MNS1: variants seen among roughly 807,000 people sequenced by gnomAD.
MNS1 encodes the protein meiosis-specific nuclear structural protein 1.
In MNS1, 63 loss-of-function variants were observed where a neutral mutation model predicts 72.0. The ratio of observed to expected loss-of-function variants is 0.87; its 90% confidence interval spans 0.71 to 1.08. The LOEUF (loss-of-function observed/expected upper bound fraction) is 1.08. MNS1 is among the 50% of genes least tolerant of loss of function. MNS1 has a pLI of 0.00. For missense variants in MNS1, 604 were observed against 562.4 expected, an observed-to-expected ratio of 1.07 and a Z score of -0.75; for synonymous variants, 188 against 172.1, an observed-to-expected ratio of 1.09 and a Z score of -0.72.
intron 9 of MNS1, chr15:56,429,706 C>T (rs2050515209): frequency 1.3e-5 from 2 of 152,122 alleles, no homozygotes. Flanking sequence ...TTCTTTTCCC[C>T]TACAGTATAC....
chr15:56,458,193 T>G (rs140670070), intron 2 of MNS1, among the ~76,000 whole-genome samples: 19 of 152,354 alleles, frequency 1.2e-4, no homozygotes, highest in African/African-American at 3.8e-4. Context: ...ATAATTCATA[T>G]AGCATAAAAT....
At chr15:56,440,787 T>C (rs2050803654) in intron 7 of MNS1, among the ~76,000 whole-genome samples, 3 of 152,198 alleles carry the variant, frequency 2.0e-5, no homozygotes, top group Admixed American at 2.0e-4. Flanking sequence ...TAATTAAAGG[T>C]TTATCCATGT....
intron 3 of MNS1, among the ~76,000 whole-genome samples, chr15:56,449,564 A>G (rs1336434868): frequency 6.6e-6 from 1 of 152,206 alleles, no homozygotes; most frequent in Admixed American, 6.5e-5. Flanking sequence ...GGTTTCTCAT[A>G]TCGTATTCAG....
chr15:56,462,056 G>A (rs2051027210), intron 2 of MNS1, among the ~76,000 whole-genome samples: 1 of 144,114 alleles, frequency 6.9e-6, no homozygotes, highest in South Asian at 2.2e-4. Flanking sequence ...TCAGGCTGGA[G>A]TGCGGTGGCA....
chr15:56,432,763 A>G (rs1197337303), intron 8 of MNS1, among the ~76,000 whole-genome samples: 9 of 152,198 alleles, frequency 5.9e-5, no homozygotes, highest in Non-Finnish European at 1.3e-4. Flanking sequence ...CTGAGAACAG[A>G]TGAGCTCCAA....
chr15:56,461,044 A>G (rs1303243034), intron 2 of MNS1, among the ~76,000 whole-genome samples: 1 of 152,174 alleles, frequency 6.6e-6, no homozygotes, highest in Non-Finnish European at 1.5e-5. Context: ...AAAAAAGGAA[A>G]TGTCCCAGCT....
rs545453683 is a variant in MNS1, at chr15:56,439,838, C to T, written c.1011+3592G>A. Among the ~76,000 whole-genome samples, 14 of 149,618 alleles carry T rather than the reference C, an allele frequency of 9.4e-5. 1 individual carries two copies. The highest frequency in any genetic ancestry group is 2.7e-4 in the African/African-American group (11 of 40,908). ...AAGGAGAAATTCTTCAATAACTAGG[C>T]GAAGAGTTTCTAGAGTTGACACAGA... On this transcript the variant is annotated intron_variant, in intron 7 of 9. Coordinates refer to ENST00000260453, the MANE Select transcript of MNS1 (RefSeq NM_018365.4).
intron 7 of MNS1, among the ~76,000 whole-genome samples, chr15:56,438,145 G>C (rs1363051253): frequency 6.6e-6 from 1 of 151,962 alleles, no homozygotes; most frequent in African/African-American, 2.4e-5. Flanking sequence ...CAAAAAAGGG[G>C]CCACATTGCC....
At chr15:56,456,816 ACT>A (rs1445867946) in intron 2 of MNS1, among the ~76,000 whole-genome samples, 1 of 151,388 alleles carries the variant, frequency 6.6e-6, no homozygotes, top group Non-Finnish European at 1.5e-5. Flanking sequence ...CTTCCATTTC[ACT>A]CTTTTTTCCC....
chr15:56,431,376 A>C lies in MNS1; in HGVS notation c.1392T>G (p.Pro464=). Residue 464 remains proline (P), a synonymous_variant, in exon 9 of 10, where the codon CCT becomes CCG. Transcript: ENST00000260453. Reference sequence around the variant, plus strand: ...ACTTGAGATAAATCTCACTTACTTTAGGGAGATAGCCTAGTAAGTTTGTAG... The same window carrying C: ...ACTTGAGATAAATCTCACTTACTTTCGGGAGATAGCCTAGTAAGTTTGTAG... ...EHATNLLGYL[P]KGVFKKEDDI... 6.2e-7 allele frequency: 1 copy of C among 1,611,194 alleles called. No individual in the cohort carries two copies. Among genetic ancestry groups the C allele is most frequent in the Non-Finnish European group, 8.5e-7 (1 of 1,179,042 alleles).
intron 3 of MNS1, among the ~76,000 whole-genome samples, chr15:56,453,416 A>G (rs2140372658): frequency 6.6e-6 from 1 of 152,204 alleles, no homozygotes; most frequent in Middle Eastern, 3.4e-3. Context: ...TGCTCTTTTA[A>G]TCTATCTCAT....
In MNS1 at chr15:56,444,501, A is replaced by C; in HGVS notation, c.629T>G (p.Leu210Arg). ...KKKQEAYEQL[L>R]KEKLMIDEIV... The stretch of plus-strand genomic sequence containing the variant: ...TTCATCAATCATGAGTTTCTCTTTT[A>C]GCAGCTGCTCATAAGCTTCCTGCTT... The change falls in exon 5 of 10, where the codon CTA becomes CGA. Residue 210 changes from leucine (L) to arginine (R), a missense_variant. By Grantham distance (102) the Leu-to-Arg change is moderately radical. Transcript: ENST00000260453. The C allele has an allele frequency of 6.2e-7, 1 of 1,611,024 alleles. No homozygotes were observed. The highest frequency in any genetic ancestry group is 8.5e-7 in the Non-Finnish European group (1 of 1,179,250).
intron 1 of MNS1, 134 bp downstream of exon 1, chr15:56,464,836 T>C: frequency 7.6e-7 from 1 of 1,323,816 alleles, no homozygotes. Context: ...ACCTGAAGCC[T>C]CCGAAAGCAA....
intron 7 of MNS1, among the ~76,000 whole-genome samples, chr15:56,441,653 C>T (rs1190119883): frequency 6.6e-6 from 1 of 152,144 alleles, no homozygotes; most frequent in African/African-American, 2.4e-5. Context: ...TATTTGCAAA[C>T]TATGCATCTG....
At chr15:56,438,649 C>G (rs1596257929) in intron 7 of MNS1, among the ~76,000 whole-genome samples, 1 of 152,146 alleles carries the variant, frequency 6.6e-6, no homozygotes, top group African/African-American at 2.4e-5. Context: ...CAAATGGGAT[C>G]TAATTAAACT....
Position 56,429,096 on chromosome 15 carries a change from T to A in MNS1, c.*5A>T. ...AAATCTATGCTTTACCCAATTTTGA[T>A]GATATCATTTCTCTTCACAAATTTC... On this transcript the variant is annotated 3_prime_UTR_variant, in exon 10 of 10. Transcript: ENST00000260453. The A allele has an allele frequency of 3.2e-6, 5 of 1,563,540 alleles. No homozygotes were observed. The highest frequency in any genetic ancestry group is 4.4e-6 in the Non-Finnish European group (5 of 1,148,316).
intron 2 of MNS1, among the ~76,000 whole-genome samples, chr15:56,462,000 T>G (rs795774): frequency 0.031 from 4,329 of 141,682 alleles, 221 homozygotes; most frequent in East Asian, 0.092. Context: ...TTTTTTTTTT[T>G]TTTTTTTTTT....
intron 1 of MNS1, among the ~76,000 whole-genome samples, chr15:56,464,726 C>T (rs562303851): frequency 9.9e-5 from 15 of 152,264 alleles, no homozygotes; most frequent in African/African-American, 3.1e-4. Context: ...CTACTTATTT[C>T]TTCAGAGGTT....
intron 7 of MNS1, among the ~76,000 whole-genome samples, chr15:56,438,539 C>G (rs1458046939): frequency 2.0e-5 from 3 of 152,088 alleles, no homozygotes; most frequent in African/African-American, 7.2e-5. Context: ...ACCATAAAAA[C>G]CCTAGAAGAA....
Sources: gnomAD v4.1 joint callset for allele counts (sites outside exome capture counted in the v4.1 genomes callset) on GRCh38, gnomAD v4.1.1 for gene constraint, MANE v1.5 for transcripts, NCBI Gene and HGNC (gene_info 2026-07-23, HGNC 2026-07-21) for gene names.